Variants in NALCN observed in about 807,000 individuals in gnomAD.
NALCN encodes sodium leak channel, non-selective.
A neutral mutation model predicts 225.3 loss-of-function variants in NALCN; 111 were observed. That is an observed-to-expected ratio of 0.49 (90% confidence interval 0.42 to 0.58). The LOEUF (loss-of-function observed/expected upper bound fraction) is 0.58. Ranked by LOEUF, NALCN falls within the 20% of genes least tolerant of loss-of-function variation. The pLI, the probability that NALCN is intolerant of heterozygous loss-of-function variation, is 0.00. For synonymous variants in NALCN, 764 were observed against 769.0 expected, an observed-to-expected ratio of 0.99 and a Z score of 0.11; for missense variants, 1,378 against 2,202.4, an observed-to-expected ratio of 0.63 and a Z score of 7.49.
intron 3 of NALCN, among the ~76,000 whole-genome samples, chr13:101,385,824 T>C (rs1159084642): frequency 2.6e-5 from 4 of 152,170 alleles, no homozygotes; most frequent in African/African-American, 4.8e-5. Flanking sequence ...AAACACACCC[T>C]ACCCTGCTCC....
At chr13:101,330,457 G>A (rs2045125123) in intron 7 of NALCN, among the ~76,000 whole-genome samples, 1 of 152,100 alleles carries the variant, frequency 6.6e-6, no homozygotes, top group Non-Finnish European at 1.5e-5. Flanking sequence ...GGATTGTTCT[G>A]CATTTTATCT....
At position 101,143,622 on chromosome 13, in the gene NALCN, G is replaced by A. The variant is rs534590208; in HGVS notation, c.1977-401C>T. ...TGGGATTACAGGCATGCGCCACCAC[G>A]CCCAGCTAATTTTGTATTTTTACTA... On this transcript the variant is annotated intron_variant, in intron 16 of 43. Coordinates refer to ENST00000251127, the MANE Select transcript of NALCN (RefSeq NM_052867.4). Among the ~76,000 whole-genome samples, 16 of 152,010 alleles carry A rather than the reference G, an allele frequency of 1.1e-4. No individual in the cohort carries two copies. In the East Asian group the frequency reaches 2.1e-3, roughly 20 times the overall value.
At chr13:101,283,119 T>C (rs1011211197) in intron 10 of NALCN, among the ~76,000 whole-genome samples, 1 of 152,118 alleles carries the variant, frequency 6.6e-6, no homozygotes, top group Non-Finnish European at 1.5e-5. Context: ...GGTGGAAGAA[T>C]CAATTCTCCG....
chr13:101,192,092 T>C lies in NALCN; in HGVS notation c.1627-38A>G, dbSNP rs939882027. 11 of 1,563,530 alleles carry C rather than the reference T, an allele frequency of 7.0e-6. No individual in the cohort carries two copies. In the African/African-American group the frequency reaches 1.4e-4, roughly 20 times the overall value. On this transcript the variant is annotated intron_variant, in intron 13 of 43. Coordinates refer to ENST00000251127, the MANE Select transcript of NALCN (RefSeq NM_052867.4). ...GAACAAAGGTATTACACACTAGCTT[T>C]AGGCTTGCATACAACTTCAAATTAG...
At chr13:101,354,627 T>C (rs930516588) in intron 6 of NALCN, among the ~76,000 whole-genome samples, 1 of 152,218 alleles carries the variant, frequency 6.6e-6, no homozygotes, top group Non-Finnish European at 1.5e-5. Context: ...ATTCAGCCAA[T>C]TAACTTTGGC....
At chr13:101,181,607 C>G (rs9585646) in intron 14 of NALCN, among the ~76,000 whole-genome samples, 1 of 150,146 alleles carries the variant, frequency 6.7e-6, no homozygotes, top group Non-Finnish European at 1.5e-5. Context: ...GGCATGGTGG[C>G]GCATGCCTGT....
intron 1 of NALCN, among the ~76,000 whole-genome samples, chr13:101,407,780 C>A (rs1258456396): frequency 3.3e-5 from 5 of 152,102 alleles, no homozygotes; most frequent in Non-Finnish European, 7.4e-5. Context: ...CACTTTTTAA[C>A]CTTAAGAACT....
At chr13:101,411,448 T>C (rs899978900) in intron 1 of NALCN, among the ~76,000 whole-genome samples, 2 of 151,596 alleles carry the variant, frequency 1.3e-5, no homozygotes, top group African/African-American at 4.9e-5. Flanking sequence ...GTTCAAATGA[T>C]TCGCCTGCCT....
chr13:101,212,947 T>C (rs970353902), intron 13 of NALCN, among the ~76,000 whole-genome samples: 1 of 152,150 alleles, frequency 6.6e-6, no homozygotes, highest in African/African-American at 2.4e-5. Context: ...AAAAAACTAC[T>C]TTAAAGTTCA....
chr13:101,219,808 G>A (rs1032651313), intron 13 of NALCN, among the ~76,000 whole-genome samples: 4 of 152,156 alleles, frequency 2.6e-5, no homozygotes, highest in African/African-American at 4.8e-5. Flanking sequence ...ATAATAGTTG[G>A]TAGGAGCAGT....
chr13:101,100,969 CTTCT>C, intron 26 of NALCN, 81 bp from the exon 27 acceptor site: 2 of 1,063,278 alleles, frequency 1.9e-6, no homozygotes, highest in Non-Finnish European at 2.7e-6. Context: ...ATAAATAGGA[CTTCT>C]AAGATAACAT....
chr13:101,353,124 C>A (rs575998057), intron 6 of NALCN, among the ~76,000 whole-genome samples: 1 of 152,088 alleles, frequency 6.6e-6, no homozygotes, highest in Non-Finnish European at 1.5e-5. Context: ...TCTAAATAAA[C>A]CCATGGAGAA....
rs940654370 is a variant in NALCN, at chr13:101,176,217, A to G, written c.1839+83T>C. The G allele has an allele frequency of 1.7e-5, 17 of 1,024,912 alleles. No homozygotes were observed. In the South Asian group the frequency reaches 3.4e-4, roughly 21 times the overall value. 63.5% of individuals were successfully genotyped at this position (1,024,912 alleles called of 1,614,324 possible). On this transcript the variant is annotated intron_variant, in intron 15 of 43. Transcript: ENST00000251127. ...ACATTTTATTTTTACTTTGAAGCTC[A>G]AATTTTTAATATTGCCTATAAGCAA... is the stretch of plus-strand genomic sequence containing the variant.
At chr13:101,280,478 TCC>T (rs1475025656) in intron 10 of NALCN, among the ~76,000 whole-genome samples, 2 of 152,194 alleles carry the variant, frequency 1.3e-5, no homozygotes, top group Non-Finnish European at 2.9e-5. Context: ...CTGTCATTAA[TCC>T]CTTGTTATTC....
intron 10 of NALCN, among the ~76,000 whole-genome samples, chr13:101,278,522 C>CAAAAAAAAAAAA (rs3061766): frequency 1.1e-5 from 1 of 87,476 alleles, no homozygotes; most frequent in African/African-American, 5.7e-5. Flanking sequence ...GACTCTGTCT[C>CAAAAAAAAAAAA]AAAAAAAAAA....
intron 2 of NALCN, 93 bp from the exon 3 acceptor site, chr13:101,395,458 G>A (rs2047264309): frequency 2.5e-6 from 3 of 1,203,264 alleles, no homozygotes; most frequent in Non-Finnish European, 3.5e-6. Flanking sequence ...ATAATACTGA[G>A]GTTAAAATAG....
chr13:101,381,536 A>G (rs1325809784), intron 3 of NALCN, among the ~76,000 whole-genome samples: 2 of 152,100 alleles, frequency 1.3e-5, no homozygotes, highest in African/African-American at 4.8e-5. Flanking sequence ...CCTAAATTTG[A>G]TTAATACCCA....
At chr13:101,329,014 G>A (rs1387463541) in intron 7 of NALCN, among the ~76,000 whole-genome samples, 2 of 152,128 alleles carry the variant, frequency 1.3e-5, no homozygotes, top group South Asian at 2.1e-4. Context: ...ATTAGAATAA[G>A]TTAATAACAT....
intron 13 of NALCN, among the ~76,000 whole-genome samples, chr13:101,215,074 T>A (rs1024768331): frequency 3.9e-5 from 6 of 152,140 alleles, no homozygotes. Flanking sequence ...AAGAGCTAAG[T>A]GTTTCAAGCA....
Sources: gnomAD v4.1 joint callset for allele counts (sites outside exome capture counted in the v4.1 genomes callset) on GRCh38, gnomAD v4.1.1 for gene constraint, MANE v1.5 for transcripts, NCBI Gene and HGNC (gene_info 2026-07-23, HGNC 2026-07-21) for gene names.